TRAPPC9: variants seen among roughly 807,000 people sequenced by gnomAD.
TRAPPC9 encodes the protein IKK2 binding protein.
Under a neutral mutation model 124.0 loss-of-function variants are expected in TRAPPC9, and 83 were observed. That is an observed-to-expected ratio of 0.67 (90% CI 0.56 to 0.80). TRAPPC9 has a LOEUF of 0.80. Among genes scored for constraint, TRAPPC9 ranks in the 30% least tolerant of loss-of-function variants. TRAPPC9 has a pLI of 0.00. For synonymous variants in TRAPPC9, 638 were observed against 617.5 expected (o/e 1.03, Z -0.49); for missense variants, 1,302 against 1,508.3 (o/e 0.86, Z 2.27).
chr8:140,275,930 A>C, intron 14 of TRAPPC9, 109 bp from the exon 15 acceptor site: 1 of 899,890 alleles, frequency 1.1e-6, no homozygotes, highest in Non-Finnish European at 1.7e-6. Flanking sequence ...TTTCAGAAAC[A>C]GGGGCTAGGA....
chr8:140,280,893 C>T (rs1237941827), intron 14 of TRAPPC9, among the ~76,000 whole-genome samples: 3 of 152,354 alleles, frequency 2.0e-5, no homozygotes, highest in South Asian at 2.1e-4. Flanking sequence ...AGAGGACTCA[C>T]GCTCTGCGCC....
At chr8:139,783,515 A>G (rs1242792134) in intron 21 of TRAPPC9, among the ~76,000 whole-genome samples, 1 of 152,232 alleles carries the variant, frequency 6.6e-6, no homozygotes, top group African/African-American at 2.4e-5. Flanking sequence ...ATATACCTAC[A>G]AAAGAAGTTG....
chr8:139,825,386 C>A lies in TRAPPC9; in HGVS notation c.3055+60493G>T, dbSNP rs150983855. On this transcript the variant is annotated intron_variant, in intron 21 of 22. Transcript: ENST00000438773. The surrounding 1 kb of genome is among the most constrained non-coding windows in gnomAD (Gnocchi z 4.6). ...CATCCTGTGAGGATGAAGGCCTGTCCATCCCATGGCTGTGCAGGATAAGGA... is the reference window on the plus strand; with the variant it reads ...CATCCTGTGAGGATGAAGGCCTGTCAATCCCATGGCTGTGCAGGATAAGGA... 7.0e-3 allele frequency among the ~76,000 whole-genome samples: 1,063 copies of A among 152,286 alleles called. 15 individuals carry two copies. Among genetic ancestry groups the A allele is most frequent in the African/African-American group, 0.024 (994 of 41,562 alleles).
At chr8:140,357,874 G>C (rs973721063) in intron 9 of TRAPPC9, among the ~76,000 whole-genome samples, 1 of 152,192 alleles carries the variant, frequency 6.6e-6, no homozygotes, top group Non-Finnish European at 1.5e-5. Context: ...AGCCCCAAAA[G>C]CAACAGCGAC....
intron 2 of TRAPPC9, among the ~76,000 whole-genome samples, chr8:140,444,868 A>G (rs1373883930): frequency 2.0e-5 from 1 of 49,254 alleles, no homozygotes; most frequent in Non-Finnish European, 4.7e-5. Flanking sequence ...CAATCTCAGG[A>G]AAAAAAAAAA....
At chr8:140,121,552 C>T (rs1441024787) in intron 17 of TRAPPC9, among the ~76,000 whole-genome samples, 3 of 152,172 alleles carry the variant, frequency 2.0e-5, no homozygotes, top group Admixed American at 2.0e-4. Context: ...GCCCAGGCAG[C>T]AGCAGCAACA....
intron 16 of TRAPPC9, among the ~76,000 whole-genome samples, chr8:140,248,020 G>C (rs1193021436): frequency 1.3e-5 from 2 of 152,024 alleles, no homozygotes; most frequent in African/African-American, 2.4e-5. Context: ...TTATCTCGCT[G>C]CTTATGTTTT....
intron 17 of TRAPPC9, among the ~76,000 whole-genome samples, chr8:140,088,984 A>G (rs11987608): frequency 0.027 from 4,095 of 152,278 alleles, 171 homozygotes; most frequent in African/African-American, 0.093. Flanking sequence ...ATTTCTGGGT[A>G]GTAAGGTTTG....
chr8:139,839,586 C>T (rs1281098627), intron 21 of TRAPPC9, among the ~76,000 whole-genome samples: 2 of 152,208 alleles, frequency 1.3e-5, no homozygotes, highest in African/African-American at 4.8e-5. Flanking sequence ...GGAGACTGAT[C>T]CCTCCTCATT....
chr8:140,041,284 A>G (rs771295999), intron 17 of TRAPPC9, among the ~76,000 whole-genome samples: 30 of 152,186 alleles, frequency 2.0e-4, no homozygotes, highest in Non-Finnish European at 3.2e-4. Flanking sequence ...ATATACACAT[A>G]TATAGTAAAG....
At chr8:139,927,349 A>G (rs886964520) in intron 19 of TRAPPC9, among the ~76,000 whole-genome samples, 2 of 152,120 alleles carry the variant, frequency 1.3e-5, no homozygotes, top group Admixed American at 6.5e-5. Flanking sequence ...GGCTCAAGCA[A>G]TCCTTCCACT....
chr8:139,925,395 T>C (rs1216897806), intron 19 of TRAPPC9, among the ~76,000 whole-genome samples: 1 of 152,122 alleles, frequency 6.6e-6, no homozygotes, highest in Non-Finnish European at 1.5e-5. Context: ...TCATTCTGCA[T>C]AGAAACCTGC....
intron 9 of TRAPPC9, among the ~76,000 whole-genome samples, chr8:140,325,556 A>G (rs2066713601): frequency 6.6e-6 from 1 of 152,222 alleles, no homozygotes; most frequent in Non-Finnish European, 1.5e-5. Context: ...TTGGGGGTAA[A>G]ATGACACAAG....
intron 17 of TRAPPC9, among the ~76,000 whole-genome samples, chr8:140,057,471 T>C (rs997924081): frequency 6.6e-6 from 1 of 152,124 alleles, no homozygotes; most frequent in Non-Finnish European, 1.5e-5. Context: ...ATAAGCAAAA[T>C]GTGGTCGATA....
chr8:139,800,581 G>A (rs1421798258), intron 21 of TRAPPC9, among the ~76,000 whole-genome samples: 1 of 152,326 alleles, frequency 6.6e-6, no homozygotes, highest in African/African-American at 2.4e-5. Context: ...AGCTGTTCCC[G>A]AGGCGGCCAC....
chr8:140,037,130 A>G (rs1840946891), intron 17 of TRAPPC9, among the ~76,000 whole-genome samples: 1 of 152,168 alleles, frequency 6.6e-6, no homozygotes, highest in Admixed American at 6.5e-5. Flanking sequence ...TAAGCAGCAA[A>G]GAATAAAATA....
At chr8:139,769,854 AAAGG>A (rs1169766462) in intron 21 of TRAPPC9, among the ~76,000 whole-genome samples, 1 of 152,248 alleles carries the variant, frequency 6.6e-6, no homozygotes, top group Non-Finnish European at 1.5e-5. Flanking sequence ...AGAAATACAT[AAAGG>A]AAGTGGTCAT....
intron 21 of TRAPPC9, among the ~76,000 whole-genome samples, chr8:139,777,335 T>C (rs1366321014): frequency 6.6e-6 from 1 of 152,232 alleles, no homozygotes; most frequent in Non-Finnish European, 1.5e-5. Flanking sequence ...TTCTAAAGTT[T>C]ACCCATGAGA....
At chr8:140,457,922 G>A (rs2071751420), upstream of TRAPPC9, among the ~76,000 whole-genome samples, 1 of 140,910 alleles carries the variant, frequency 7.1e-6, no homozygotes, top group Non-Finnish European at 1.6e-5. Context: ...GGGGAGGGAG[G>A]AGGAGGAGGG....
Sources: allele counts gnomAD v4.1 joint callset (sites outside exome capture counted in the v4.1 genomes callset), GRCh38; gene constraint gnomAD v4.1.1; non-coding constraint Gnocchi (gnomAD v3.1); transcripts MANE v1.5; gene names NCBI Gene and HGNC (gene_info 2026-07-23, HGNC 2026-07-21).